The following AMOT variants were observed in gnomAD, a reference collection of about 807,000 sequenced individuals.
AMOT encodes angiomotin.
Under a neutral mutation model 67.0 loss-of-function variants are expected in AMOT, and 11 were observed. The ratio of observed to expected loss-of-function variants is 0.16; its 90% CI spans 0.10 to 0.27. AMOT has a LOEUF of 0.27. AMOT is among the 10% of genes least tolerant of loss of function. The pLI, the probability that AMOT is intolerant of heterozygous loss-of-function variation, is 1.00. For missense variants in AMOT, 753 were observed against 852.0 expected (o/e 0.88, Z 1.45); for synonymous variants, 326 against 321.4 (o/e 1.01, Z -0.15).
At chrX:112,816,393 T>G (rs1227218045) in intron 4 of AMOT, among the ~76,000 whole-genome samples, 2 of 110,828 alleles carry the variant, frequency 1.8e-5, no homozygotes, top group Non-Finnish European at 3.8e-5. Flanking sequence ...CCTTTAGTAA[T>G]TCATACATTC....
At chrX:112,839,904 C>T (rs1935245804) in intron 1 of AMOT, among the ~76,000 whole-genome samples, 1 of 111,145 alleles carries the variant, frequency 9.0e-6, no homozygotes, top group Admixed American at 9.6e-5. Flanking sequence ...CCACCACTAT[C>T]ACTACCACCA....
intron 7 of AMOT, among the ~76,000 whole-genome samples, chrX:112,807,147 C>T (rs1184018614): frequency 7.2e-5 from 8 of 110,956 alleles, no homozygotes; most frequent in Admixed American, 5.8e-4. Flanking sequence ...TGGCCTTCCA[C>T]ACGAGAGAAG....
At chrX:112,808,281 T>C (rs759137815) in intron 7 of AMOT, among the ~76,000 whole-genome samples, 3 of 112,230 alleles carry the variant, frequency 2.7e-5, no homozygotes, top group South Asian at 7.5e-4. Flanking sequence ...GACTAACTTG[T>C]ACAAGGTCCC....
intron 8 of AMOT, among the ~76,000 whole-genome samples, chrX:112,795,334 T>C (rs1051553194): frequency 9.1e-6 from 1 of 109,341 alleles, no homozygotes; most frequent in Non-Finnish European, 1.9e-5. Context: ...GACAGCACAA[T>C]GAAAGGTAAA....
At chrX:112,820,075 T>C (rs761502795) in intron 4 of AMOT, among the ~76,000 whole-genome samples, 1 of 112,359 alleles carries the variant, frequency 8.9e-6, no homozygotes, top group South Asian at 3.7e-4. Context: ...CACTCCCTCA[T>C]GTAGGGCCCT....
chrX:112,803,579 T>C (rs954185869), intron 8 of AMOT, among the ~76,000 whole-genome samples: 1 of 112,247 alleles, frequency 8.9e-6, no homozygotes, highest in Non-Finnish European at 1.9e-5. Flanking sequence ...GTTGATATTC[T>C]AGCAAGTCAG....
At position 112,779,593 on chromosome X, in the gene AMOT, T is replaced by C; in HGVS notation, c.2561A>G (p.His854Arg). 1 of 1,210,233 alleles carries C rather than the reference T, an allele frequency of 8.3e-7. No individual in the cohort carries two copies. The highest frequency in any genetic ancestry group is 1.1e-6 in the Non-Finnish European group (1 of 895,162). ...VPPSTPLLSA[H>R]SKTGSRDCST... Reference sequence around the variant, plus strand: ...GCAGTCTCGGCTGCCTGTCTTGGAGTGAGCCGAGAGCAGGGGAGTCGAGGG... The same window carrying C: ...GCAGTCTCGGCTGCCTGTCTTGGAGCGAGCCGAGAGCAGGGGAGTCGAGGG... Residue 854 changes from histidine to arginine, a missense_variant, in exon 13 of 14, where the codon CAC becomes CGC. Physicochemically the swap from His to Arg is conservative, Grantham distance 29. Transcript: ENST00000371959.
At chrX:112,791,788 T>G (rs1222325491) in intron 9 of AMOT, 44 bp downstream of exon 9, 3 of 1,193,472 alleles carry the variant, frequency 2.5e-6, no homozygotes, top group Non-Finnish European at 3.4e-6. Flanking sequence ...AATAATGTCA[T>G]TTTCTTACTT....
At position 112,790,657 on chromosome X, in the gene AMOT, T is replaced by C. The variant is rs1295877364; in HGVS notation, c.2052A>G (p.Lys684=). The part of the protein sequence containing the change: ...LEADMTKWEQ[K]YLEENVMRHF... ...GTCTCATCACATTCTCCTCCAAATA[T>C]TTCTGCTCCCACTTTGTCATATCAG... is the stretch of plus-strand genomic sequence containing the variant. The change falls in exon 10 of 14, where the codon AAA becomes AAG. Residue 684 remains lysine (K), a synonymous_variant. Coordinates refer to ENST00000371959, the MANE Select transcript of AMOT (RefSeq NM_001113490.2). 6.6e-6 allele frequency: 8 copies of C among 1,210,888 alleles called. No homozygotes were observed. Among genetic ancestry groups the C allele is most frequent in the Non-Finnish European group, 8.9e-6 (8 of 895,147 alleles).
chrX:112,806,874 T>C (rs762717794), intron 7 of AMOT, among the ~76,000 whole-genome samples: 7 of 111,841 alleles, frequency 6.3e-5, no homozygotes, highest in Non-Finnish European at 1.1e-4. Flanking sequence ...TCTTCCCAAA[T>C]AATCACTTAA....
chrX:112,811,174 A>G (rs1934354297), intron 6 of AMOT, 75 bp downstream of exon 6: 52 of 1,170,423 alleles, frequency 4.4e-5, no homozygotes, highest in Non-Finnish European at 5.9e-5. Flanking sequence ...GCCTAGTTGG[A>G]TCCTGCTCAG....
At chrX:112,794,694 T>A (rs1471431299) in intron 8 of AMOT, among the ~76,000 whole-genome samples, 2 of 112,538 alleles carry the variant, frequency 1.8e-5, no homozygotes, top group Non-Finnish European at 3.8e-5. Flanking sequence ...ATTATGTGCT[T>A]CACTTTTACC....
rs1932955390 is a variant in AMOT at position 112,776,922 on chromosome X, GTGATTGGCATAA to G, written c.*1633_*1644del. ...TAAAGAGTTTCCCAAAATAAGCATGGTGATTGGCATAATGGTTAGCTGTGTTGTATGACTTTC... is the reference window on the plus strand; with the variant it reads ...TAAAGAGTTTCCCAAAATAAGCATGGTGGTTAGCTGTGTTGTATGACTTTC... On this transcript the variant is annotated 3_prime_UTR_variant, in exon 14 of 14. Coordinates refer to ENST00000371959, the MANE Select transcript of AMOT (RefSeq NM_001113490.2). 9.0e-6 allele frequency: 1 copy of G among 111,314 alleles called. No homozygotes were observed. Among genetic ancestry groups the G allele is most frequent in the African/African-American group, 3.3e-5 (1 of 30,551 alleles). 9.2% of individuals were successfully genotyped at this position (111,314 alleles called of 1,213,427 possible).
intron 10 of AMOT, among the ~76,000 whole-genome samples, chrX:112,784,720 C>A (rs1444884985): frequency 1.8e-5 from 2 of 112,468 alleles, no homozygotes; most frequent in Non-Finnish European, 3.8e-5. Context: ...TGAAAGAATT[C>A]CAGCTCTTGG....
At chrX:112,797,395 C>T (rs1933859519) in intron 8 of AMOT, among the ~76,000 whole-genome samples, 2 of 111,502 alleles carry the variant, frequency 1.8e-5, no homozygotes, top group African/African-American at 6.5e-5. Context: ...CATGCACATA[C>T]ACACACAGAC....
chrX:112,813,339 G>A (rs757169544), intron 5 of AMOT, among the ~76,000 whole-genome samples: 2 of 111,590 alleles, frequency 1.8e-5, no homozygotes, highest in African/African-American at 3.3e-5. Context: ...GGGGCAGAGA[G>A]GAGGGTGGCA....
intron 8 of AMOT, among the ~76,000 whole-genome samples, chrX:112,797,283 T>C (rs1214107786): frequency 9.0e-6 from 1 of 111,405 alleles, no homozygotes; most frequent in African/African-American, 3.3e-5. Context: ...ACATCTCTCA[T>C]ATTCTTTCAT....
At chrX:112,807,507 GA>G (rs1934229466) in intron 7 of AMOT, among the ~76,000 whole-genome samples, 1 of 108,911 alleles carries the variant, frequency 9.2e-6, no homozygotes, top group South Asian at 4.2e-4. Context: ...AACAGACTGG[GA>G]ATTTAAAACA....
chrX:112,787,219 A>G (rs1569392870), intron 10 of AMOT, among the ~76,000 whole-genome samples: 2 of 111,998 alleles, frequency 1.8e-5, no homozygotes, highest in African/African-American at 6.5e-5. Flanking sequence ...TCACCTGAGA[A>G]AAGACACTTG....
Sources: allele counts gnomAD v4.1 joint callset (sites outside exome capture counted in the v4.1 genomes callset), GRCh38; gene constraint gnomAD v4.1.1; transcripts MANE v1.5; gene names NCBI Gene and HGNC (gene_info 2026-07-23, HGNC 2026-07-21).